Variants in GRIN2A observed in about 807,000 individuals in gnomAD.
The protein encoded by GRIN2A is glutamate receptor ionotropic, NMDA 2A.
Under a neutral mutation model 113.4 loss-of-function variants are expected in GRIN2A, and 22 were observed. The observed-to-expected ratio is 0.19, with a 90% CI of 0.14 to 0.28. The LOEUF is 0.28. GRIN2A is among the 10% of genes least tolerant of loss of function. The pLI is 1.00. For missense variants in GRIN2A, 1,502 were observed against 1,887.0 expected (o/e 0.80, Z 3.78); for synonymous variants, 827 against 738.4 (o/e 1.12, Z -1.94).
intron 2 of GRIN2A, among the ~76,000 whole-genome samples, chr16:10,085,226 G>T (rs965463270): frequency 6.6e-6 from 1 of 152,100 alleles, no homozygotes; most frequent in Non-Finnish European, 1.5e-5. Context: ...TGACCATCTC[G>T]CAGGCTGGGG....
intron 3 of GRIN2A, among the ~76,000 whole-genome samples, chr16:9,928,519 A>C (rs997315836): frequency 2.0e-5 from 3 of 152,098 alleles, no homozygotes; most frequent in Non-Finnish European, 2.9e-5. Context: ...ACAAAAACAG[A>C]GGTTTTCCCC....
chr16:9,990,720 C>T (rs143660118), intron 2 of GRIN2A, among the ~76,000 whole-genome samples: 4 of 151,856 alleles, frequency 2.6e-5, no homozygotes, highest in East Asian at 1.9e-4. Flanking sequence ...GGAGAAATTT[C>T]GCCTAACAGA....
At chr16:9,942,117 G>T (rs567167005) in intron 2 of GRIN2A, among the ~76,000 whole-genome samples, 1 of 152,214 alleles carries the variant, frequency 6.6e-6, no homozygotes, top group Admixed American at 6.5e-5. Flanking sequence ...GCTATCTTTT[G>T]CAAGAGGTAA....
rs1245071982 is a variant in GRIN2A at position 9,834,308 on chromosome 16, A to G, written c.1652-78T>C. 4.1e-5 allele frequency: 57 copies of G among 1,378,324 alleles called. No individual in the cohort carries two copies. In the Admixed American group the frequency reaches 9.3e-4, roughly 22 times the overall value. The allele number at this position is 1,378,324 out of a possible 1,614,324, so 85.4% of individuals were successfully genotyped here. A position where few individuals can be genotyped will look rare whatever the true frequency, so the allele number is the denominator to read the frequency against. Reference sequence around the variant, plus strand: ...CTTCCAGCAGGAAGCCCAGACATCCATTTGCAGGCTCGCCAAAAATATTTT... The same window carrying G: ...CTTCCAGCAGGAAGCCCAGACATCCGTTTGCAGGCTCGCCAAAAATATTTT... On this transcript the variant is annotated intron_variant, in intron 7 of 12. Transcript: ENST00000330684.
At chr16:9,922,457 C>T (rs893014669) in intron 3 of GRIN2A, among the ~76,000 whole-genome samples, 1 of 152,160 alleles carries the variant, frequency 6.6e-6, no homozygotes, top group African/African-American at 2.4e-5. Flanking sequence ...CGGATGAAGG[C>T]AGGGAATGTG....
intron 2 of GRIN2A, among the ~76,000 whole-genome samples, chr16:10,026,693 T>C (rs1405652662): frequency 2.6e-5 from 4 of 151,370 alleles, no homozygotes; most frequent in African/African-American, 9.8e-5. Flanking sequence ...ACATGGGCCA[T>C]GGCAGCTCTT....
chr16:10,008,667 G>A (rs1449386245), intron 2 of GRIN2A, among the ~76,000 whole-genome samples: 1 of 152,190 alleles, frequency 6.6e-6, no homozygotes, highest in Non-Finnish European at 1.5e-5. Context: ...GTGCAAGGAT[G>A]TTCAAGGCAT....
chr16:9,854,992 TTGTGTGTGTGTGTGTGTG>T (rs3831730), intron 4 of GRIN2A, among the ~76,000 whole-genome samples: 1 of 147,558 alleles, frequency 6.8e-6, no homozygotes, highest in Non-Finnish European at 1.5e-5. Flanking sequence ...GCAAGCACGC[TTGTGTGTGTGTGTGTGTG>T]TGTGTGTGTG....
At chr16:10,025,760 G>T (rs1467027524) in intron 2 of GRIN2A, among the ~76,000 whole-genome samples, 2 of 152,130 alleles carry the variant, frequency 1.3e-5, no homozygotes, top group South Asian at 4.1e-4. Context: ...TCCCTATATC[G>T]GCTGGCAGAG....
At chr16:10,132,808 G>A (rs1460965210) in intron 2 of GRIN2A, among the ~76,000 whole-genome samples, 1 of 152,226 alleles carries the variant, frequency 6.6e-6, no homozygotes, top group African/African-American at 2.4e-5. Context: ...CATTGCTGCT[G>A]TAACAAATTG....
intron 2 of GRIN2A, among the ~76,000 whole-genome samples, chr16:10,022,804 T>A (rs755100503): frequency 6.6e-6 from 1 of 152,216 alleles, no homozygotes; most frequent in Non-Finnish European, 1.5e-5. Flanking sequence ...AGACCCCGTT[T>A]CTTTTGAGTA....
At chr16:10,078,300 T>C (rs140477041) in intron 2 of GRIN2A, among the ~76,000 whole-genome samples, 1 of 152,016 alleles carries the variant, frequency 6.6e-6, no homozygotes, top group African/African-American at 2.4e-5. Flanking sequence ...GGAACCGTGC[T>C]GGGGAAATGA....
Position 9,910,537 on chromosome 16 carries a change from C to CTTT in GRIN2A, c.1008-19440_1008-19438dup, listed in dbSNP as rs35352418. On this transcript the variant is annotated intron_variant, in intron 3 of 12. Transcript: ENST00000330684. ...GAGTCTCATATGAAGTCTCAGAGTT[C>CTTT]TTTTTTTTTTTTTTTTTTTTGAGAC... Among the ~76,000 whole-genome samples the CTTT allele has an allele frequency of 6.1e-4, 75 of 123,248 alleles. 3 individuals carry two copies. Among genetic ancestry groups the CTTT allele is most frequent in the Non-Finnish European group, 7.9e-4 (47 of 59,518 alleles). The allele number at this position is 123,248 out of a possible 152,430, so 80.9% of individuals were successfully genotyped here. A position where few individuals can be genotyped will look rare whatever the true frequency, so the allele number is the denominator to read the frequency against.
chr16:9,900,470 G>A (rs775611365), intron 3 of GRIN2A, among the ~76,000 whole-genome samples: 7 of 152,162 alleles, frequency 4.6e-5, no homozygotes, highest in Non-Finnish European at 8.8e-5. Flanking sequence ...CAACCGCTAT[G>A]TCTAAAACTT....
At chr16:10,127,868 C>T (rs2048976777) in intron 2 of GRIN2A, among the ~76,000 whole-genome samples, 1 of 150,366 alleles carries the variant, frequency 6.7e-6, no homozygotes, top group Non-Finnish European at 1.5e-5. Flanking sequence ...CTTACTAAGC[C>T]CTGGGAATGT....
chr16:9,865,773 C>T (rs998316975), intron 4 of GRIN2A, among the ~76,000 whole-genome samples: 15 of 152,164 alleles, frequency 9.9e-5, no homozygotes, highest in African/African-American at 3.6e-4. Context: ...GGTCAGCATA[C>T]CACAGCCCAA....
chr16:10,128,979 C>T (rs1399734880), intron 2 of GRIN2A, among the ~76,000 whole-genome samples: 1 of 152,196 alleles, frequency 6.6e-6, no homozygotes, highest in Admixed American at 6.5e-5. Flanking sequence ...CCTGAGCACG[C>T]TCTTATTTCA....
intron 2 of GRIN2A, among the ~76,000 whole-genome samples, chr16:10,125,444 C>G (rs1287027766): frequency 6.6e-6 from 1 of 152,092 alleles, no homozygotes; most frequent in Non-Finnish European, 1.5e-5. Flanking sequence ...TAGACCATTC[C>G]TCCACTACAA....
At chr16:9,942,047 C>T (rs1274775844) in intron 2 of GRIN2A, among the ~76,000 whole-genome samples, 1 of 152,146 alleles carries the variant, frequency 6.6e-6, no homozygotes, top group African/African-American at 2.4e-5. Context: ...TATCAAAACA[C>T]CCAGTGTAGT....
Sources: gnomAD v4.1 joint callset for allele counts (sites outside exome capture counted in the v4.1 genomes callset) on GRCh38, gnomAD v4.1.1 for gene constraint, MANE v1.5 for transcripts, NCBI Gene and HGNC (gene_info 2026-07-23, HGNC 2026-07-21) for gene names.